IL23R: variants seen among roughly 807,000 people sequenced by gnomAD.
IL23R encodes the protein interleukin-23 receptor.
In IL23R, 34 loss-of-function variants were observed where a neutral mutation model predicts 56.9. The ratio of observed to expected loss-of-function variants is 0.60; its 90% CI spans 0.45 to 0.80. The LOEUF is 0.80. IL23R is among the 30% of genes least tolerant of loss of function. The pLI is 0.00. For missense variants in IL23R, 635 were observed against 730.0 expected (o/e 0.87, Z 1.50); for synonymous variants, 230 against 249.2 (o/e 0.92, Z 0.73).
At chr1:67,237,016 T>C (rs1269124944) in intron 8 of IL23R, among the ~76,000 whole-genome samples, 1 of 152,142 alleles carries the variant, frequency 6.6e-6, no homozygotes, top group Non-Finnish European at 1.5e-5. Context: ...TTGCAATAGA[T>C]TGTATACATT....
chr1:67,169,110 C>A (rs2102555394), intron 2 of IL23R, among the ~76,000 whole-genome samples: 1 of 128,350 alleles, frequency 7.8e-6, no homozygotes, highest in South Asian at 2.5e-4. Flanking sequence ...CACTGCACTG[C>A]AGCCTGGGTG....
intron 5 of IL23R, among the ~76,000 whole-genome samples, chr1:67,203,285 T>C (rs570740014): frequency 6.6e-6 from 1 of 152,308 alleles, no homozygotes; most frequent in East Asian, 1.9e-4. Context: ...TAAAATGATT[T>C]GCGCAAAGTC....
At chr1:67,223,579 A>G (rs998013705) in intron 7 of IL23R, among the ~76,000 whole-genome samples, 6 of 152,278 alleles carry the variant, frequency 3.9e-5, no homozygotes, top group African/African-American at 1.2e-4. Flanking sequence ...GTGTAAAAGC[A>G]ATGTAAGTTT....
rs149079057 is a variant in IL23R at position 67,228,720 on chromosome 1, T to C, written c.956-7993T>C. 1.3e-3 allele frequency among the ~76,000 whole-genome samples: 201 copies of C among 152,266 alleles called. 1 individual carries two copies. Among genetic ancestry groups the C allele is most frequent in the African/African-American group, 4.6e-3 (190 of 41,558 alleles). On this transcript the variant is annotated intron_variant, in intron 7 of 10. Transcript: ENST00000347310. ...GGACAGAATCAGTTTCATTGCTTTT[T>C]CTATATTCTAGAGGCTGCCTACATT...
chr1:67,241,302 T>G (rs547876486), intron 9 of IL23R, among the ~76,000 whole-genome samples: 1 of 152,200 alleles, frequency 6.6e-6, no homozygotes, highest in African/African-American at 2.4e-5. Flanking sequence ...TACCTCCTTA[T>G]GCTGGAACAT....
chr1:67,193,012 T>C (rs1188694111), intron 4 of IL23R, among the ~76,000 whole-genome samples: 3 of 152,254 alleles, frequency 2.0e-5, no homozygotes, highest in East Asian at 3.9e-4. Context: ...TCTTCTAAAC[T>C]TTCCCCTCTT....
rs1648573610 is a variant in IL23R, at chr1:67,200,788, C to T, written c.543C>T (p.Ile181=). The change falls in exon 5 of 11, where the codon ATC becomes ATT. Residue 181 remains isoleucine, a synonymous_variant. Transcript: ENST00000347310. ...ATCTCACCTCAAGCTATATTAACATCTCCACTGATTCATTACAAGGTGGCA... is the reference window on the plus strand; with the variant it reads ...ATCTCACCTCAAGCTATATTAACATTTCCACTGATTCATTACAAGGTGGCA... ...QQYLTSSYIN[I]STDSLQGGKK... 2 of 1,613,976 alleles carry T rather than the reference C, an allele frequency of 1.2e-6. No homozygotes were observed. Among genetic ancestry groups the T allele is most frequent in the Non-Finnish European group, 1.7e-6 (2 of 1,179,952 alleles).
At chr1:67,230,671 C>T (rs1292492106) in intron 7 of IL23R, among the ~76,000 whole-genome samples, 1 of 152,102 alleles carries the variant, frequency 6.6e-6, no homozygotes, top group Non-Finnish European at 1.5e-5. Context: ...CTGTGTGTAC[C>T]CTGCTACCCT....
At chr1:67,253,446 G>A (rs1343151) in intron 9 of IL23R, among the ~76,000 whole-genome samples, 61,408 of 152,018 alleles carry the variant, frequency 0.4, 15,100 homozygotes, top group African/African-American at 0.68. Flanking sequence ...GTTCTTTGCC[G>A]AATTGGCACT....
At chr1:67,207,682 AC>A in intron 6 of IL23R, 1 of 370,536 alleles carries the variant, frequency 2.7e-6, no homozygotes, top group South Asian at 2.2e-5. Context: ...CTGAGGCCTT[AC>A]CAGCCATGTG....
chr1:67,219,805 C>G (rs904191562), intron 7 of IL23R, 75 bp downstream of exon 7: 24 of 1,404,528 alleles, frequency 1.7e-5, no homozygotes, highest in Non-Finnish European at 2.4e-5. Context: ...GTGGCTCACA[C>G]CTATAATTCC....
intron 9 of IL23R, among the ~76,000 whole-genome samples, chr1:67,248,695 TG>T (rs1021373563): frequency 6.6e-6 from 1 of 152,188 alleles, no homozygotes; most frequent in Non-Finnish European, 1.5e-5. Context: ...AGAGGCATTC[TG>T]GTTTTTGGAA....
chr1:67,164,631 C>CAAAAT (rs10645092), upstream of IL23R, among the ~76,000 whole-genome samples: 36,365 of 106,158 alleles, frequency 0.34, 5,769 homozygotes, highest in Middle Eastern at 0.58. Flanking sequence ...AACTCTGTCA[C>CAAAAT]AAAATAAAAT....
chr1:67,152,735 T>C (rs533582974), intron 1 of IL23R, among the ~76,000 whole-genome samples: 3 of 121,754 alleles, frequency 2.5e-5, no homozygotes, highest in East Asian at 5.8e-4. Context: ...GTTCTGTTTA[T>C]GTGATGCGTT....
At chr1:67,229,326 G>A (rs1412390540) in intron 7 of IL23R, among the ~76,000 whole-genome samples, 2 of 152,126 alleles carry the variant, frequency 1.3e-5, no homozygotes, top group South Asian at 4.1e-4. Flanking sequence ...GGATACAGTC[G>A]AACAGCCAGA....
At chr1:67,213,991 T>C (rs1451471312) in intron 6 of IL23R, among the ~76,000 whole-genome samples, 2 of 152,140 alleles carry the variant, frequency 1.3e-5, no homozygotes, top group African/African-American at 4.8e-5. Context: ...CAGATTTTAG[T>C]AAAGGCTCAG....
At chr1:67,186,769 C>T (rs1319975957) in intron 4 of IL23R, among the ~76,000 whole-genome samples, 1 of 152,102 alleles carries the variant, frequency 6.6e-6, no homozygotes, top group East Asian at 1.9e-4. Flanking sequence ...CAGGTGCACG[C>T]CACCACGCCC....
chr1:67,261,456 A>T (rs1653203427), downstream of IL23R, among the ~76,000 whole-genome samples: 1 of 151,860 alleles, frequency 6.6e-6, no homozygotes, highest in South Asian at 2.1e-4. Context: ...TGTAAAAAAA[A>T]AAAAAAGTTA....
intron 3 of IL23R, among the ~76,000 whole-genome samples, chr1:67,173,029 C>A (rs1646962441): frequency 6.6e-6 from 1 of 152,052 alleles, no homozygotes; most frequent in Non-Finnish European, 1.5e-5. Context: ...TCTGAATTAA[C>A]AAGAAACCTG....
Sources: allele counts gnomAD v4.1 joint callset (sites outside exome capture counted in the v4.1 genomes callset), GRCh38; gene constraint gnomAD v4.1.1; transcripts MANE v1.5; gene names NCBI Gene and HGNC (gene_info 2026-07-23, HGNC 2026-07-21).